Variants in KCNAB1 observed in about 807,000 individuals in gnomAD.
KCNAB1 encodes the protein voltage-gated potassium channel subunit beta-1.
KCNAB1 carries 35 observed loss-of-function variants against 64.6 expected under a neutral mutation model. The ratio of observed to expected loss-of-function variants is 0.54; its 90% CI spans 0.41 to 0.72. The LOEUF (loss-of-function observed/expected upper bound fraction) is 0.72. Ranked by LOEUF, KCNAB1 falls within the 30% of genes least tolerant of loss-of-function variation. The pLI is 0.00. For missense variants in KCNAB1, 401 were observed against 512.9 expected (o/e 0.78, Z 2.11); for synonymous variants, 177 against 183.8 (o/e 0.96, Z 0.30).
intron 1 of KCNAB1, among the ~76,000 whole-genome samples, chr3:156,336,510 T>A (rs1002426724): frequency 1.3e-5 from 2 of 152,226 alleles, no homozygotes; most frequent in Non-Finnish European, 2.9e-5. Context: ...CTGAAGAGAA[T>A]CTGGAGTTTA....
At chr3:156,240,419 A>G (rs1276388997) in intron 1 of KCNAB1, among the ~76,000 whole-genome samples, 1 of 152,150 alleles carries the variant, frequency 6.6e-6, no homozygotes, top group Non-Finnish European at 1.5e-5. Flanking sequence ...AATGACGTAA[A>G]GAGTTTATAT....
At chr3:156,406,701 C>T (rs1714271200) in intron 1 of KCNAB1, among the ~76,000 whole-genome samples, 1 of 152,086 alleles carries the variant, frequency 6.6e-6, no homozygotes, top group Non-Finnish European at 1.5e-5. Context: ...TCTGACTTTC[C>T]TCAGAGCAGA....
rs532245175 is a variant in KCNAB1, at chr3:156,225,419, G to A, written c.275+104533G>A. Among the ~76,000 whole-genome samples the A allele has an allele frequency of 3.3e-5, 5 of 152,190 alleles. No individual in the cohort carries two copies. The East Asian group carries it at 7.7e-4, about 24-fold the overall frequency. ...CAAAATCGGCATAGAAGGGACAAAC[G>A]TTAAGGTAATAAAAGCCATCTATGA... On this transcript the variant is annotated intron_variant, in intron 1 of 13. Transcript: ENST00000490337.
chr3:156,137,791 G>A (rs775572328), intron 1 of KCNAB1, among the ~76,000 whole-genome samples: 8 of 150,720 alleles, frequency 5.3e-5, no homozygotes, highest in Non-Finnish European at 8.8e-5. Flanking sequence ...CCTGACCTCA[G>A]ATGATCCACC....
At chr3:156,378,895 G>C (rs1711934081) in intron 1 of KCNAB1, among the ~76,000 whole-genome samples, 1 of 152,180 alleles carries the variant, frequency 6.6e-6, no homozygotes, top group Non-Finnish European at 1.5e-5. Flanking sequence ...GTCTACAAAA[G>C]AGAAAATGGA....
intron 1 of KCNAB1, among the ~76,000 whole-genome samples, chr3:156,238,899 C>T (rs1374134974): frequency 1.3e-5 from 2 of 152,250 alleles, no homozygotes; most frequent in East Asian, 1.9e-4. Flanking sequence ...AACAATACTT[C>T]GCTTTCATGT....
At chr3:156,411,834 T>A (rs1714686817) in intron 1 of KCNAB1, among the ~76,000 whole-genome samples, 1 of 152,180 alleles carries the variant, frequency 6.6e-6, no homozygotes, top group South Asian at 2.1e-4. Context: ...CCAGCTTTAC[T>A]CTTTTTCACA....
At position 156,192,210 on chromosome 3, in the gene KCNAB1, T is replaced by G. The variant is rs897974339; in HGVS notation, c.275+71324T>G. On this transcript the variant is annotated intron_variant, in intron 1 of 13. Transcript: ENST00000490337. The stretch of plus-strand genomic sequence containing the variant: ...TGTAGCATGAGTTCATTCTTTTTAT[T>G]GCAGAGTTGTGTCCCATTGTATGGA... Among the ~76,000 whole-genome samples, 4 of 152,306 alleles carry G rather than the reference T, an allele frequency of 2.6e-5. No individual in the cohort carries two copies. In the East Asian group the frequency reaches 7.7e-4, roughly 29 times the overall value.
At position 156,335,407 on chromosome 3, in the gene KCNAB1, C is replaced by T. The variant is rs76652374; in HGVS notation, c.276-86209C>T. Among the ~76,000 whole-genome samples, 1,412 of 152,294 alleles carry T rather than the reference C, an allele frequency of 9.3e-3. 24 individuals carry two copies. Among genetic ancestry groups the T allele is most frequent in the African/African-American group, 0.033 (1,354 of 41,568 alleles). The stretch of plus-strand genomic sequence containing the variant: ...CTTTATACATACACCAATCACGACA[C>T]CAGCTGACACCTCCATTACTCCTCA... On this transcript the variant is annotated intron_variant, in intron 1 of 13. Coordinates refer to ENST00000490337, the MANE Select transcript of KCNAB1 (RefSeq NM_172160.3).
At chr3:156,345,511 G>T (rs1724427194) in intron 1 of KCNAB1, among the ~76,000 whole-genome samples, 1 of 152,160 alleles carries the variant, frequency 6.6e-6, no homozygotes, top group Non-Finnish European at 1.5e-5. Flanking sequence ...TGGATTCAAG[G>T]CAATGAGAAT....
chr3:156,464,457 T>C (rs1236867396), intron 6 of KCNAB1, among the ~76,000 whole-genome samples: 1 of 145,628 alleles, frequency 6.9e-6, no homozygotes, highest in African/African-American at 2.7e-5. Flanking sequence ...TACTGTGCTT[T>C]TCCATCTTTG....
intron 1 of KCNAB1, among the ~76,000 whole-genome samples, chr3:156,130,242 C>T (rs1407896085): frequency 6.6e-6 from 1 of 152,196 alleles, no homozygotes; most frequent in African/African-American, 2.4e-5. Context: ...TGGACATGGG[C>T]TCTACGTCAG....
At chr3:156,525,543 T>C (rs1718254173) in intron 12 of KCNAB1, among the ~76,000 whole-genome samples, 1 of 152,278 alleles carries the variant, frequency 6.6e-6, no homozygotes, top group African/African-American at 2.4e-5. Flanking sequence ...TGAGACGCAG[T>C]CTCGCTCTGT....
intron 1 of KCNAB1, among the ~76,000 whole-genome samples, chr3:156,159,681 T>C (rs1715960387): frequency 1.3e-5 from 2 of 152,330 alleles, no homozygotes; most frequent in South Asian, 4.1e-4. Flanking sequence ...TAATTTTGCA[T>C]ACCCCATCCC....
chr3:156,472,355 G>A (rs542178478), intron 7 of KCNAB1, among the ~76,000 whole-genome samples: 2 of 152,242 alleles, frequency 1.3e-5, no homozygotes, highest in South Asian at 2.1e-4. Flanking sequence ...GTCCCTCTCA[G>A]CAGGTGGAGC....
intron 3 of KCNAB1, among the ~76,000 whole-genome samples, chr3:156,455,209 C>T (rs889877843): frequency 1.3e-5 from 2 of 152,210 alleles, no homozygotes; most frequent in African/African-American, 2.4e-5. Context: ...CCTCGATTTT[C>T]CTGCTTTCTC....
intron 1 of KCNAB1, among the ~76,000 whole-genome samples, chr3:156,149,138 G>A (rs975787628): frequency 2.0e-5 from 3 of 152,216 alleles, no homozygotes; most frequent in African/African-American, 2.4e-5. Context: ...CCCAGTGTCC[G>A]AAGATCTCCC....
intron 1 of KCNAB1, among the ~76,000 whole-genome samples, chr3:156,385,969 A>G (rs1218128840): frequency 6.6e-6 from 1 of 152,198 alleles, no homozygotes; most frequent in African/African-American, 2.4e-5. Context: ...CTTCTAAGCA[A>G]TGGGTATTTC....
At chr3:156,491,105 G>C (rs1301582442) in intron 8 of KCNAB1, among the ~76,000 whole-genome samples, 1 of 152,086 alleles carries the variant, frequency 6.6e-6, no homozygotes, top group Non-Finnish European at 1.5e-5. Flanking sequence ...ATGTCATTTT[G>C]ACTTTCCTGT....
Sources: allele counts gnomAD v4.1 joint callset (sites outside exome capture counted in the v4.1 genomes callset), GRCh38; gene constraint gnomAD v4.1.1; transcripts MANE v1.5; gene names NCBI Gene and HGNC (gene_info 2026-07-23, HGNC 2026-07-21).